The following TTC7B variants were observed in gnomAD, a reference collection of about 807,000 sequenced individuals.
TTC7B encodes the protein tetratricopeptide repeat protein 7B.
A neutral mutation model predicts 106.8 loss-of-function variants in TTC7B; 28 were observed. That is an observed-to-expected ratio of 0.26 (90% confidence interval 0.19 to 0.36). The LOEUF is 0.36. TTC7B is among the 10% of genes least tolerant of loss of function. The pLI, the probability that TTC7B is intolerant of heterozygous loss-of-function variation, is 1.00. For synonymous variants in TTC7B, 405 were observed against 430.6 expected, an observed-to-expected ratio of 0.94 and a Z score of 0.74; for missense variants, 862 against 1,076.4, an observed-to-expected ratio of 0.80 and a Z score of 2.79.
chr14:90,583,604 G>A (rs1052480927), intron 18 of TTC7B, among the ~76,000 whole-genome samples: 3 of 152,188 alleles, frequency 2.0e-5, no homozygotes, highest in Admixed American at 6.5e-5. Flanking sequence ...ACACTTCAGC[G>A]CAAGGTCAGT....
chr14:90,815,346 C>A (rs1469291058), intron 1 of TTC7B, among the ~76,000 whole-genome samples: 1 of 152,130 alleles, frequency 6.6e-6, no homozygotes, highest in African/African-American at 2.4e-5. Context: ...TGATTGGGTA[C>A]AAGAACCAAT....
intron 2 of TTC7B, 24 bp downstream of exon 2, chr14:90,786,150 C>A (rs1891379615): frequency 6.6e-7 from 1 of 1,516,204 alleles, no homozygotes; most frequent in Non-Finnish European, 8.8e-7. Flanking sequence ...GGAAGTGTCG[C>A]CTCAGCCCAG....
chr14:90,606,920 C>G (rs995141047), intron 17 of TTC7B, among the ~76,000 whole-genome samples: 1 of 152,056 alleles, frequency 6.6e-6, no homozygotes, highest in African/African-American at 2.4e-5. Flanking sequence ...TGTATAAGGA[C>G]CCAGGATATA....
Position 90,657,405 on chromosome 14 carries a change from A to C in TTC7B, c.1237-127T>G. 1 of 793,196 alleles carries C rather than the reference A, an allele frequency of 1.3e-6. No individual in the cohort carries two copies. Among genetic ancestry groups the C allele is most frequent in the Non-Finnish European group, 2.0e-6 (1 of 501,076 alleles). 49.1% of individuals were successfully genotyped at this position (793,196 alleles called of 1,614,324 possible). A position where few individuals can be genotyped will look rare whatever the true frequency, so the allele number is the denominator to read the frequency against. On this transcript the variant is annotated intron_variant, in intron 10 of 19. Transcript: ENST00000328459. The surrounding 1 kb of genome is among the most constrained non-coding windows in gnomAD (Gnocchi z 4.2). Reference sequence around the variant, plus strand: ...GGCTTGTCCAACTTTAAGCCCAAGCAAGCGGGGGCCTGAGGTGCATGAAAA... The same window carrying C: ...GGCTTGTCCAACTTTAAGCCCAAGCCAGCGGGGGCCTGAGGTGCATGAAAA...
intron 5 of TTC7B, among the ~76,000 whole-genome samples, chr14:90,707,499 T>C (rs1280646366): frequency 6.6e-6 from 1 of 152,228 alleles, no homozygotes; most frequent in East Asian, 1.9e-4. Context: ...AAAGCCAAGA[T>C]GGGCTGAAAG....
chr14:90,584,027 C>A (rs1469725886), intron 18 of TTC7B, among the ~76,000 whole-genome samples: 1 of 152,154 alleles, frequency 6.6e-6, no homozygotes, highest in Admixed American at 6.5e-5. Context: ...CTTCCTCCAC[C>A]CTGCGTGTGC....
In TTC7B at chr14:90,788,117, T is replaced by C. The variant is rs1595373723; in HGVS notation, c.122-1789A>G. The stretch of plus-strand genomic sequence containing the variant: ...GAGTGGAAGTTGCAGTGAGCCGATA[T>C]TGCATCACTGTACCCCAGCCTGGGC... On this transcript the variant is annotated intron_variant, in intron 1 of 19. Transcript: ENST00000328459. 2.0e-5 allele frequency among the ~76,000 whole-genome samples: 3 copies of C among 152,192 alleles called. No individual in the cohort carries two copies. In the South Asian group the frequency reaches 6.2e-4, roughly 32 times the overall value.
chr14:90,712,207 C>T (rs1393070821), intron 5 of TTC7B, among the ~76,000 whole-genome samples: 3 of 152,168 alleles, frequency 2.0e-5, no homozygotes, highest in Non-Finnish European at 2.9e-5. Context: ...TGGTGAAAGA[C>T]TGAATGCTTT....
intron 6 of TTC7B, among the ~76,000 whole-genome samples, chr14:90,692,669 T>C (rs1178218539): frequency 6.6e-6 from 1 of 152,218 alleles, no homozygotes; most frequent in Admixed American, 6.5e-5. Context: ...ACTTTCATTG[T>C]GCTTCCAAAT....
intron 1 of TTC7B, among the ~76,000 whole-genome samples, chr14:90,793,772 C>T (rs1349480184): frequency 6.6e-6 from 1 of 151,172 alleles, no homozygotes; most frequent in African/African-American, 2.4e-5. Flanking sequence ...CTATGCCCAG[C>T]TAATTTTGTA....
At chr14:90,685,828 T>C (rs1037571679) in intron 7 of TTC7B, among the ~76,000 whole-genome samples, 2 of 151,900 alleles carry the variant, frequency 1.3e-5, no homozygotes, top group African/African-American at 4.8e-5. Flanking sequence ...CTAAAATAAG[T>C]AAAGAGATTG....
chr14:90,701,397 A>T (rs1887978133), intron 5 of TTC7B, among the ~76,000 whole-genome samples: 1 of 152,160 alleles, frequency 6.6e-6, no homozygotes. Flanking sequence ...CATAAAGTCA[A>T]AGAAGTCACA....
At chr14:90,706,224 G>A (rs1368279233) in intron 5 of TTC7B, among the ~76,000 whole-genome samples, 3 of 149,266 alleles carry the variant, frequency 2.0e-5, no homozygotes, top group East Asian at 2.0e-4. Flanking sequence ...GTGCAGTGGC[G>A]CAATCTCGGC....
intron 14 of TTC7B, among the ~76,000 whole-genome samples, chr14:90,646,401 T>C (rs988287268): frequency 1.3e-5 from 2 of 152,216 alleles, no homozygotes; most frequent in African/African-American, 4.8e-5. Context: ...CGACAAAACT[T>C]GCCCCTCCCG....
chr14:90,561,124 G>A (rs1890560706), intron 19 of TTC7B, among the ~76,000 whole-genome samples: 1 of 152,208 alleles, frequency 6.6e-6, no homozygotes, highest in Non-Finnish European at 1.5e-5. Flanking sequence ...CTGATGTAGA[G>A]AATGAGAGAG....
At chr14:90,679,260 A>T (rs1267343949) in intron 8 of TTC7B, among the ~76,000 whole-genome samples, 1 of 152,206 alleles carries the variant, frequency 6.6e-6, no homozygotes, top group Non-Finnish European at 1.5e-5. Flanking sequence ...TCTTGTAAAC[A>T]TCAGTGGACC....
At chr14:90,566,741 G>T (rs531865671) in intron 19 of TTC7B, among the ~76,000 whole-genome samples, 6 of 152,116 alleles carry the variant, frequency 3.9e-5, no homozygotes, top group Non-Finnish European at 7.4e-5. Context: ...GGGGCAAAGT[G>T]GTCTAGAGCC....
rs201845882 is a variant in TTC7B, at chr14:90,654,984, G to A, written c.1459+9C>T. 255 of 1,601,114 alleles carry A rather than the reference G, an allele frequency of 1.6e-4. No homozygotes were observed. Among genetic ancestry groups the A allele is most frequent in the Middle Eastern group, 1.7e-4 (1 of 6,056 alleles). On this transcript the variant is annotated intron_variant, in intron 12 of 19. Transcript: ENST00000328459. Reference sequence around the variant, plus strand: ...AGCTCAGCAGCTGTGGGGGTGGGACGTCTCTCACCGTCAGTGGCCTGCAGA... The same window carrying A: ...AGCTCAGCAGCTGTGGGGGTGGGACATCTCTCACCGTCAGTGGCCTGCAGA...
At chr14:90,775,110 C>A (rs1890985107) in intron 3 of TTC7B, among the ~76,000 whole-genome samples, 4 of 152,032 alleles carry the variant, frequency 2.6e-5, no homozygotes, top group Admixed American at 2.6e-4. Flanking sequence ...ATGGTCAAAC[C>A]CTCTGCCTGA....
Sources: gnomAD v4.1 joint callset for allele counts (sites outside exome capture counted in the v4.1 genomes callset) on GRCh38, gnomAD v4.1.1 for gene constraint, Gnocchi (gnomAD v3.1) non-coding constraint, MANE v1.5 for transcripts, NCBI Gene and HGNC (gene_info 2026-07-23, HGNC 2026-07-21) for gene names.